PRKCB: variants seen among roughly 807,000 people sequenced by gnomAD.
The protein encoded by PRKCB is protein kinase C beta, also known as protein kinase C beta type.
A neutral mutation model predicts 81.5 loss-of-function variants in PRKCB; 13 were observed. The observed-to-expected ratio is 0.16, with a 90% CI of 0.10 to 0.25. The LOEUF (loss-of-function observed/expected upper bound fraction) is 0.25. Among genes scored for constraint, PRKCB ranks in the 10% least tolerant of loss-of-function variants. The pLI is 1.00. For synonymous variants in PRKCB, 335 were observed against 321.4 expected (o/e 1.04, Z -0.45); for missense variants, 509 against 875.7 (o/e 0.58, Z 5.29).
intron 2 of PRKCB, among the ~76,000 whole-genome samples, chr16:23,945,028 G>T (rs2141771959): frequency 6.6e-6 from 1 of 152,320 alleles, no homozygotes; most frequent in East Asian, 1.9e-4. Context: ...GCTATTGGGG[G>T]ATGAGGAGAG....
At chr16:24,183,342 G>GT (rs1222689470) in intron 13 of PRKCB, among the ~76,000 whole-genome samples, 3 of 151,964 alleles carry the variant, frequency 2.0e-5, no homozygotes, top group Non-Finnish European at 4.4e-5. Context: ...TTTTTTTATG[G>GT]TAAAAACACT....
chr16:24,215,487 C>T lies in PRKCB; in HGVS notation c.*671C>T, dbSNP rs1968211670. 1.0e-6 allele frequency: 1 copy of T among 985,624 alleles called. No homozygotes were observed. Among genetic ancestry groups the T allele is most frequent in the African/African-American group, 1.7e-5 (1 of 57,218 alleles). 61.1% of individuals were successfully genotyped at this position (985,624 alleles called of 1,614,324 possible). On this transcript the variant is annotated 3_prime_UTR_variant, in exon 17 of 17. Coordinates refer to ENST00000643927, the MANE Select transcript of PRKCB (RefSeq NM_002738.7). Reference sequence around the variant, plus strand: ...GTTTCTGATACTTTATGTCTTTGCTCACCCTCATCCCCAAACTACTTGAAA... The same window carrying T: ...GTTTCTGATACTTTATGTCTTTGCTTACCCTCATCCCCAAACTACTTGAAA...
intron 4 of PRKCB, among the ~76,000 whole-genome samples, chr16:24,032,835 C>A (rs549977927): frequency 6.6e-6 from 1 of 152,234 alleles, no homozygotes; most frequent in African/African-American, 2.4e-5. Context: ...TGGGAAGGGG[C>A]AGTCCATGGC....
At chr16:24,191,257 C>G in intron 16 of PRKCB, 27 bp downstream of exon 16, 1 of 1,612,874 alleles carries the variant, frequency 6.2e-7, no homozygotes, top group Non-Finnish European at 8.5e-7. Context: ...CTCTGACTGC[C>G]GGGTATTCAC....
At chr16:24,185,305 T>G (rs1967686254) in intron 14 of PRKCB, 114 bp downstream of exon 14, 1 of 1,248,016 alleles carries the variant, frequency 8.0e-7, no homozygotes, top group East Asian at 2.3e-5. Flanking sequence ...TCTATGACTT[T>G]CCCGGCCTTG....
chr16:24,128,171 T>C (rs1288230233), intron 9 of PRKCB, among the ~76,000 whole-genome samples: 1 of 152,096 alleles, frequency 6.6e-6, no homozygotes, highest in African/African-American at 2.4e-5. Context: ...AGTCAGGAGT[T>C]CGAGGCCAGC....
chr16:24,193,950 C>G (rs1596592638), intron 16 of PRKCB, among the ~76,000 whole-genome samples: 1 of 152,252 alleles, frequency 6.6e-6, no homozygotes, highest in East Asian at 1.9e-4. Context: ...TTGACAGATC[C>G]TGTTACAGTC....
At chr16:24,071,436 TAAAAAAA>T (rs398042091) in intron 5 of PRKCB, among the ~76,000 whole-genome samples, 3 of 57,276 alleles carry the variant, frequency 5.2e-5, no homozygotes, top group East Asian at 6.0e-4. Context: ...AGACCCTGTC[TAAAAAAA>T]AAAAAAAAAA....
chr16:23,883,808 C>G (rs1963159314), intron 2 of PRKCB, among the ~76,000 whole-genome samples: 1 of 152,124 alleles, frequency 6.6e-6, no homozygotes, highest in Non-Finnish European at 1.5e-5. Flanking sequence ...AATCCCATAA[C>G]CACATTTTGT....
intron 3 of PRKCB, among the ~76,000 whole-genome samples, chr16:23,990,700 A>C (rs1964875611): frequency 6.6e-6 from 1 of 151,758 alleles, no homozygotes; most frequent in African/African-American, 2.4e-5. Flanking sequence ...AGTGCATGCC[A>C]CCACACCTGG....
rs1263404068 is a variant in PRKCB at position 24,021,230 on chromosome 16, CT to C, written c.289-10903del. Among the ~76,000 whole-genome samples, 13 of 19,572 alleles carry C rather than the reference CT, an allele frequency of 6.6e-4. 2 individuals are homozygous for C. Among genetic ancestry groups the C allele is most frequent in the African/African-American group, 2.0e-3 (8 of 3,908 alleles). 12.8% of individuals were successfully genotyped at this position (19,572 alleles called of 152,430 possible). ...TCTTTCTTTCTTTCTTTCTTTCTTT[CT>C]TTCCTTCCTTCCTTCCTTCTTCCTT... On this transcript the variant is annotated intron_variant, in intron 3 of 16. Transcript: ENST00000643927.
At chr16:24,090,118 A>G (rs1372296165) in intron 5 of PRKCB, among the ~76,000 whole-genome samples, 1 of 152,192 alleles carries the variant, frequency 6.6e-6, no homozygotes, top group Non-Finnish European at 1.5e-5. Flanking sequence ...CCCAGGGCCT[A>G]GCAGAATGCT....
chr16:24,001,807 G>T (rs1965037850), intron 3 of PRKCB, among the ~76,000 whole-genome samples: 1 of 152,104 alleles, frequency 6.6e-6, no homozygotes, highest in South Asian at 2.1e-4. Context: ...AAATGAAAAT[G>T]AGAGAAATCC....
At chr16:24,185,309 G>A (rs528141851) in intron 14 of PRKCB, 118 bp downstream of exon 14, 23 of 1,219,870 alleles carry the variant, frequency 1.9e-5, no homozygotes, top group Non-Finnish European at 2.6e-5. Flanking sequence ...TGACTTTCCC[G>A]GCCTTGGGGT....
intron 9 of PRKCB, among the ~76,000 whole-genome samples, chr16:24,148,226 T>G (rs1209410504): frequency 1.3e-5 from 2 of 152,192 alleles, no homozygotes; most frequent in African/African-American, 4.8e-5. Flanking sequence ...CTATTGATAC[T>G]TCAGGTGTCA....
chr16:24,137,525 A>G (rs1361299748), intron 9 of PRKCB, among the ~76,000 whole-genome samples: 2 of 152,242 alleles, frequency 1.3e-5, no homozygotes, highest in African/African-American at 4.8e-5. Context: ...ATTCTTTGGG[A>G]AAAATATCGC....
At chr16:23,933,782 CCA>C (rs1964014048) in intron 2 of PRKCB, among the ~76,000 whole-genome samples, 1 of 148,226 alleles carries the variant, frequency 6.7e-6, no homozygotes, top group Non-Finnish European at 1.5e-5. Context: ...ATCCATCCAT[CCA>C]TCCATCCATC....
chr16:23,946,580 G>A (rs1418536000), intron 2 of PRKCB, among the ~76,000 whole-genome samples: 1 of 151,516 alleles, frequency 6.6e-6, no homozygotes, highest in Non-Finnish European at 1.5e-5. Context: ...AGAACCTAAC[G>A]TAGTGTCAGA....
At chr16:23,916,934 AT>A (rs56162380) in intron 2 of PRKCB, among the ~76,000 whole-genome samples, 144,578 of 149,994 alleles carry the variant, frequency 0.96, 69,718 homozygotes, top group East Asian at 1. Context: ...TGATTTTTGT[AT>A]TTTTTTTTTT....
Sources: gnomAD v4.1 joint callset for allele counts (sites outside exome capture counted in the v4.1 genomes callset) on GRCh38, gnomAD v4.1.1 for gene constraint, MANE v1.5 for transcripts, NCBI Gene and HGNC (gene_info 2026-07-23, HGNC 2026-07-21) for gene names.